The following CCDC144A variants were observed in gnomAD, a reference collection of about 807,000 sequenced individuals.
The protein encoded by CCDC144A is coiled-coil domain-containing protein 144A.
Under a neutral mutation model 143.8 loss-of-function variants are expected in CCDC144A, and 41 were observed. The observed-to-expected ratio is 0.29, with a 90% CI of 0.22 to 0.37. The LOEUF is 0.37. CCDC144A is among the 10% of genes least tolerant of loss of function. CCDC144A has a pLI of 1.00. For missense variants in CCDC144A, 637 were observed against 1,488.8 expected (o/e 0.43, Z 9.41); for synonymous variants, 242 against 517.9 (o/e 0.47, Z 7.23).
chr17:16,674,942 G>T, the CCDC144A span, among the ~76,000 whole-genome samples: 1 of 152,184 alleles, frequency 6.6e-6, no homozygotes, highest in Admixed American at 6.5e-5. Context: ...TCTTAAGGAA[G>T]TTGCATATAT....
the CCDC144A span, among the ~76,000 whole-genome samples, chr17:16,676,065 A>C: frequency 6.6e-6 from 1 of 152,042 alleles, no homozygotes; most frequent in Non-Finnish European, 1.5e-5. Flanking sequence ...GGACTTTAAA[A>C]CATGAGTATT....
intron 8 of CCDC144A, among the ~76,000 whole-genome samples, chr17:16,722,459 T>TA (rs1470259401): frequency 2.0e-5 from 3 of 151,972 alleles, no homozygotes; most frequent in Admixed American, 6.6e-5. Context: ...CCTCCACAAT[T>TA]ATCAATATCC....
At chr17:16,717,544 G>A (rs1379247397) in intron 6 of CCDC144A, among the ~76,000 whole-genome samples, 2 of 152,024 alleles carry the variant, frequency 1.3e-5, no homozygotes, top group Non-Finnish European at 2.9e-5. Flanking sequence ...TTCTCCAAGT[G>A]GAGTAGTTTT....
At chr17:16,758,786 CTTG>C (rs1199961665) in intron 12 of CCDC144A, among the ~76,000 whole-genome samples, 5 of 152,078 alleles carry the variant, frequency 3.3e-5, no homozygotes, top group African/African-American at 1.2e-4. Context: ...TTTTTACTGT[CTTG>C]TTGTCTTTTA....
the CCDC144A span, among the ~76,000 whole-genome samples, chr17:16,677,677 C>G: frequency 4.0e-3 from 610 of 151,948 alleles, 6 homozygotes; most frequent in Middle Eastern, 0.01. Flanking sequence ...ACTAAAAATA[C>G]AAAATGGCAG....
At chr17:16,684,390 T>TCA in the CCDC144A span, among the ~76,000 whole-genome samples, 1 of 152,126 alleles carries the variant, frequency 6.6e-6, no homozygotes, top group South Asian at 2.1e-4. Context: ...GCGCGGTGGC[T>TCA]CACGCCTGTA....
chr17:16,668,228 G>T, the CCDC144A span, among the ~76,000 whole-genome samples: 15,742 of 147,772 alleles, frequency 0.11, 1,000 homozygotes, highest in East Asian at 0.3. Flanking sequence ...CATTAATATT[G>T]GGAATAATTT....
the CCDC144A span, among the ~76,000 whole-genome samples, chr17:16,673,979 A>T: frequency 6.6e-6 from 1 of 152,078 alleles, no homozygotes; most frequent in South Asian, 2.1e-4. Context: ...CAAAATATTT[A>T]TTTTTTTTAA....
At chr17:16,745,672 C>A (rs1489159313) in intron 12 of CCDC144A, 6 of 1,610,730 alleles carry the variant, frequency 3.7e-6, no homozygotes, top group Non-Finnish European at 4.2e-6. Context: ...GTCCCCGAAC[C>A]TTCTGCCTTG....
intron 8 of CCDC144A, among the ~76,000 whole-genome samples, chr17:16,721,245 C>T (rs899157396): frequency 6.6e-6 from 1 of 151,972 alleles, no homozygotes; most frequent in Admixed American, 6.6e-5. Context: ...AATATACAAT[C>T]GTGTGCACAT....
chr17:16,760,989 C>T (rs1915332886), intron 12 of CCDC144A, among the ~76,000 whole-genome samples: 2 of 146,466 alleles, frequency 1.4e-5, no homozygotes, highest in African/African-American at 2.6e-5. Flanking sequence ...TATGAATCTA[C>T]AACAGTATAG....
At chr17:16,733,918 A>C (rs1215601237) in intron 11 of CCDC144A, among the ~76,000 whole-genome samples, 1 of 152,146 alleles carries the variant, frequency 6.6e-6, no homozygotes, top group African/African-American at 2.4e-5. Context: ...TGGGTGGATC[A>C]CTTGAGCCCA....
chr17:16,775,901 C>G lies in CCDC144A; in HGVS notation c.*2268C>G, dbSNP rs903171555. On this transcript the variant is annotated 3_prime_UTR_variant, in exon 17 of 17. Coordinates refer to ENST00000399273, the MANE Select transcript of CCDC144A (RefSeq NM_001382000.1). ...TTTGTATATGGGTTAAGGAAGGGGT[C>G]CCGTTTCAATTTGCTGCATATGGCT... The G allele has an allele frequency of 3.9e-4, 60 of 152,230 alleles. No individual in the cohort carries two copies. Among genetic ancestry groups the G allele is most frequent in the African/African-American group, 1.4e-3 (58 of 41,440 alleles). 9.4% of individuals were successfully genotyped at this position (152,230 alleles called of 1,614,324 possible).
chr17:16,694,749 T>C (rs1173831977), intron 2 of CCDC144A, among the ~76,000 whole-genome samples: 4 of 151,924 alleles, frequency 2.6e-5, no homozygotes, highest in African/African-American at 7.2e-5. Context: ...GTCACTATTA[T>C]TGACTTTCCC....
intron 15 of CCDC144A, among the ~76,000 whole-genome samples, chr17:16,768,318 A>G (rs1024118563): frequency 6.6e-6 from 1 of 152,102 alleles, no homozygotes; most frequent in African/African-American, 2.4e-5. Flanking sequence ...TTAATACCAA[A>G]CAGGTCCTAT....
chr17:16,683,527 G>A, the CCDC144A span: 5 of 1,539,002 alleles, frequency 3.2e-6, no homozygotes, highest in East Asian at 2.2e-5. Context: ...TATGCCGTGA[G>A]GAGGGGCGGC....
chr17:16,682,883 GTTTTTTTT>G, the CCDC144A span, among the ~76,000 whole-genome samples: 9,331 of 46,370 alleles, frequency 0.2, 695 homozygotes, highest in East Asian at 0.47. Context: ...TGGATTCTCT[GTTTTTTTT>G]TTTTTTTTTT....
At chr17:16,716,899 C>T (rs1345944059) in intron 6 of CCDC144A, among the ~76,000 whole-genome samples, 5 of 150,690 alleles carry the variant, frequency 3.3e-5, no homozygotes, top group African/African-American at 1.2e-4. Flanking sequence ...CTGCAAGCTC[C>T]GCCTCCTGGG....
At chr17:16,674,382 T>C in the CCDC144A span, among the ~76,000 whole-genome samples, 1 of 152,040 alleles carries the variant, frequency 6.6e-6, no homozygotes. Flanking sequence ...GGCTAACAGA[T>C]GATAAATATT....
Sources: allele counts gnomAD v4.1 joint callset (sites outside exome capture counted in the v4.1 genomes callset), GRCh38; gene constraint gnomAD v4.1.1; transcripts MANE v1.5; gene names NCBI Gene and HGNC (gene_info 2026-07-23, HGNC 2026-07-21).